The following PHKB variants were observed in gnomAD, a reference collection of about 807,000 sequenced individuals.
PHKB encodes phosphorylase kinase regulatory subunit beta, also known as phosphorylase b kinase regulatory subunit beta.
Under a neutral mutation model 152.1 loss-of-function variants are expected in PHKB, and 122 were observed. The ratio of observed to expected loss-of-function variants is 0.80; its 90% CI spans 0.69 to 0.93. The LOEUF is 0.93. Among genes scored for constraint, PHKB ranks in the 40% least tolerant of loss-of-function variants. The pLI, the probability that PHKB is intolerant of heterozygous loss-of-function variation, is 0.00. For missense variants in PHKB, 1,304 were observed against 1,328.4 expected (o/e 0.98, Z 0.29); for synonymous variants, 436 against 464.9 (o/e 0.94, Z 0.80).
intron 1 of PHKB, among the ~76,000 whole-genome samples, chr16:47,490,259 C>T (rs1331339359): frequency 6.6e-6 from 1 of 151,958 alleles, no homozygotes; most frequent in African/African-American, 2.4e-5. Context: ...CTATCACTTA[C>T]TATAAACCAT....
chr16:47,587,966 G>A (rs74711363), intron 9 of PHKB, among the ~76,000 whole-genome samples: 1,642 of 152,240 alleles, frequency 0.011, 31 homozygotes, highest in African/African-American at 0.037. Flanking sequence ...GGCTGCTTTG[G>A]CCTTTGAATC....
intron 6 of PHKB, among the ~76,000 whole-genome samples, chr16:47,525,032 T>G (rs1352492243): frequency 6.6e-6 from 1 of 152,218 alleles, no homozygotes; most frequent in African/African-American, 2.4e-5. Context: ...ACTTTTTAGT[T>G]GGCTTTAGTA....
chr16:47,555,199 T>C (rs1386127265), intron 7 of PHKB, among the ~76,000 whole-genome samples: 1 of 152,240 alleles, frequency 6.6e-6, no homozygotes, highest in Non-Finnish European at 1.5e-5. Flanking sequence ...CGAACTATGA[T>C]AGAAGCTACT....
rs138012184 is a variant in PHKB at position 47,567,427 on chromosome 16, G to A, written c.711-12868G>A. On this transcript the variant is annotated intron_variant, in intron 7 of 30. Coordinates refer to ENST00000323584, the MANE Select transcript of PHKB (RefSeq NM_000293.3). ...AGACATTACTGAATTTATAAAATCT[G>A]GGAGTCTTTTAGAGGAGTCTTTAGA... Among the ~76,000 whole-genome samples, 647 of 152,186 alleles carry A rather than the reference G, an allele frequency of 4.3e-3. 6 individuals carry two copies. The highest frequency in any genetic ancestry group is 0.015 in the African/African-American group (612 of 41,526).
intron 6 of PHKB, among the ~76,000 whole-genome samples, chr16:47,520,819 A>G (rs1018252456): frequency 1.3e-5 from 2 of 152,118 alleles, no homozygotes; most frequent in Admixed American, 1.3e-4. Flanking sequence ...TTGTGTTTTC[A>G]TTTTCTTGAT....
At chr16:47,585,615 G>C (rs1264465539) in intron 8 of PHKB, among the ~76,000 whole-genome samples, 1 of 152,160 alleles carries the variant, frequency 6.6e-6, no homozygotes, top group Non-Finnish European at 1.5e-5. Flanking sequence ...GGATATTTTT[G>C]TAAGAAGACA....
At chr16:47,610,693 G>A in intron 13 of PHKB, 133 bp from the exon 14 acceptor site, 1 of 693,350 alleles carries the variant, frequency 1.4e-6, no homozygotes, top group Non-Finnish European at 2.6e-6. Context: ...GGTATATCCT[G>A]GTGGAGGATG....
At chr16:47,557,108 A>G (rs1182899453) in intron 7 of PHKB, among the ~76,000 whole-genome samples, 2 of 152,192 alleles carry the variant, frequency 1.3e-5, no homozygotes, top group Non-Finnish European at 2.9e-5. Context: ...TCTTTGACAA[A>G]CCTGAGAAAA....
Position 47,669,387 on chromosome 16 carries a change from TA to T in PHKB, c.2601del (p.Leu867PhefsTer6). ...TGGATCATCTCCAATAACCCTGAGT[TA>T]TTCAGTGGCATGCTGAAAATACGAA... ...IGWIISNNPELFSGMLKIRIG... is the reference protein window; with the variant it reads ...IGWIISNNPEXFSGMLKIRIG... On this transcript the variant is annotated frameshift_variant, in exon 26 of 31. Transcript: ENST00000323584. LOFTEE classifies it high-confidence loss of function. 1 of 1,614,174 alleles carries T rather than the reference TA, an allele frequency of 6.2e-7. No individual in the cohort carries two copies. The highest frequency in any genetic ancestry group is 8.5e-7 in the Non-Finnish European group (1 of 1,180,008).
At chr16:47,611,025 G>A (rs918779703) in intron 14 of PHKB, 105 bp downstream of exon 14, 14 of 740,088 alleles carry the variant, frequency 1.9e-5, no homozygotes, top group Admixed American at 1.6e-4. Flanking sequence ...TCCTTCTGAC[G>A]GAAAGGTTTC....
At chr16:47,543,485 G>A (rs981881670) in intron 6 of PHKB, among the ~76,000 whole-genome samples, 3 of 152,100 alleles carry the variant, frequency 2.0e-5, no homozygotes, top group African/African-American at 7.2e-5. Flanking sequence ...TGTCTGCCAG[G>A]CTTTAGTATC....
Position 47,603,664 on chromosome 16 carries a change from C to T in PHKB, c.1363+7133C>T, listed in dbSNP as rs1304351225. Among the ~76,000 whole-genome samples, 14 of 152,018 alleles carry T rather than the reference C, an allele frequency of 9.2e-5. No homozygotes were observed. In the East Asian group the frequency reaches 2.1e-3, roughly 23 times the overall value. Reference sequence around the variant, plus strand: ...GGCTACAGGTGCTCACCACCACGCCCGGCTAATTTTTTGTATTTTTATTGG... The same window carrying T: ...GGCTACAGGTGCTCACCACCACGCCTGGCTAATTTTTTGTATTTTTATTGG... On this transcript the variant is annotated intron_variant, in intron 13 of 30. Transcript: ENST00000323584.
chr16:47,644,555 A>G (rs1973082832), intron 16 of PHKB, among the ~76,000 whole-genome samples: 1 of 152,240 alleles, frequency 6.6e-6, no homozygotes, highest in African/African-American at 2.4e-5. Context: ...GTTATTTGAA[A>G]TCGGTCCAAA....
At chr16:47,620,587 A>G (rs1250761576) in intron 14 of PHKB, among the ~76,000 whole-genome samples, 2 of 152,260 alleles carry the variant, frequency 1.3e-5, no homozygotes. Flanking sequence ...GAGTAAAGAG[A>G]TGTTCTGGCC....
intron 1 of PHKB, among the ~76,000 whole-genome samples, chr16:47,488,797 G>T (rs750296471): frequency 2.0e-4 from 30 of 152,096 alleles, no homozygotes; most frequent in Non-Finnish European, 4.0e-4. Context: ...CTGTTCCATT[G>T]GTCTATGTGT....
chr16:47,540,819 G>GTTTTTTTTTTTTTTTTTTT (rs75589113), intron 6 of PHKB, among the ~76,000 whole-genome samples: 1 of 64,284 alleles, frequency 1.6e-5, no homozygotes, highest in African/African-American at 6.4e-5. Context: ...TAAATGTCCT[G>GTTTTTTTTTTTTTTTTTTT]TTTTTTTTTT....
At chr16:47,561,152 T>A (rs556176718) in intron 7 of PHKB, among the ~76,000 whole-genome samples, 1 of 152,358 alleles carries the variant, frequency 6.6e-6, no homozygotes, top group East Asian at 1.9e-4. Flanking sequence ...TTGGGAAAAT[T>A]GTTCTCAGTG....
chr16:47,632,429 T>G (rs921422294), intron 14 of PHKB, among the ~76,000 whole-genome samples: 2 of 152,186 alleles, frequency 1.3e-5, no homozygotes, highest in Non-Finnish European at 1.5e-5. Context: ...TGTTAATATA[T>G]GAAAAGAGTT....
chr16:47,536,188 A>T (rs1311471589), intron 6 of PHKB, among the ~76,000 whole-genome samples: 1 of 152,074 alleles, frequency 6.6e-6, no homozygotes, highest in African/African-American at 2.4e-5. Context: ...AGTAGCTGGG[A>T]TTACAGTCAT....
Sources: allele counts gnomAD v4.1 joint callset (sites outside exome capture counted in the v4.1 genomes callset), GRCh38; gene constraint gnomAD v4.1.1; transcripts MANE v1.5; gene names NCBI Gene and HGNC (gene_info 2026-07-23, HGNC 2026-07-21).